The following PTK2B variants were observed in gnomAD, a reference collection of about 807,000 sequenced individuals.
The protein encoded by PTK2B is protein tyrosine kinase 2 beta.
PTK2B carries 71 observed loss-of-function variants against 142.9 expected under a neutral mutation model. That is an observed-to-expected ratio of 0.50 (90% CI 0.41 to 0.61). PTK2B has a LOEUF of 0.61. PTK2B is among the 20% of genes least tolerant of loss of function. The probability of loss-of-function intolerance (pLI) is 0.00; values close to 1 mark genes in which losing one functional copy is unlikely to be tolerated. For synonymous variants in PTK2B, 519 were observed against 503.4 expected (o/e 1.03, Z -0.42); for missense variants, 1,105 against 1,320.4 (o/e 0.84, Z 2.53).
At chr8:27,342,704 C>T (rs954733489) in intron 1 of PTK2B, among the ~76,000 whole-genome samples, 1 of 152,186 alleles carries the variant, frequency 6.6e-6, no homozygotes, top group Non-Finnish European at 1.5e-5. Flanking sequence ...CCTCTGATCC[C>T]ACAGTCTTCT....
chr8:27,451,155 A>G, intron 26 of PTK2B, 77 bp downstream of exon 26: 1 of 1,507,272 alleles, frequency 6.6e-7, no homozygotes, highest in African/African-American at 1.4e-5. Context: ...CCCCCGCCCA[A>G]CTTGCTCCTA....
At chr8:27,314,549 G>A (rs999000658) in intron 3 of PTK2B, among the ~76,000 whole-genome samples, 2 of 152,236 alleles carry the variant, frequency 1.3e-5, no homozygotes, top group Non-Finnish European at 2.9e-5. Flanking sequence ...CCCATAGGGC[G>A]TAGGCCAAGT....
intron 1 of PTK2B, among the ~76,000 whole-genome samples, chr8:27,328,187 G>A (rs1486902882): frequency 6.6e-6 from 1 of 152,210 alleles, no homozygotes. Context: ...GTGACTCAAA[G>A]TAGAATTAAC....
At chr8:27,424,411 G>C (rs919556755) in intron 5 of PTK2B, among the ~76,000 whole-genome samples, 1 of 152,106 alleles carries the variant, frequency 6.6e-6, no homozygotes, top group Non-Finnish European at 1.5e-5. Flanking sequence ...GCTGATATCT[G>C]CTATAACCAA....
At chr8:27,349,818 T>C (rs1483250425) in intron 1 of PTK2B, among the ~76,000 whole-genome samples, 3 of 152,252 alleles carry the variant, frequency 2.0e-5, no homozygotes, top group Non-Finnish European at 4.4e-5. Flanking sequence ...AATCCTAATA[T>C]TGTGACAAAC....
At chr8:27,431,269 G>T (rs760624343) in intron 8 of PTK2B, 129 bp from the exon 9 acceptor site, 24 of 1,550,988 alleles carry the variant, frequency 1.5e-5, no homozygotes, top group Non-Finnish European at 2.1e-5. Flanking sequence ...TATGGCCAGG[G>T]TTTCGGTGAG....
intron 1 of PTK2B, among the ~76,000 whole-genome samples, chr8:27,360,271 G>A (rs969263479): frequency 2.6e-5 from 4 of 152,214 alleles, no homozygotes; most frequent in African/African-American, 9.6e-5. Flanking sequence ...AGTCCTCCCT[G>A]AGCTCCCAGA....
intron 24 of PTK2B, among the ~76,000 whole-genome samples, chr8:27,447,702 T>C (rs1811553484): frequency 6.6e-6 from 1 of 152,048 alleles, no homozygotes; most frequent in South Asian, 2.1e-4. Context: ...GTACTAAAAA[T>C]ACAAAAAATT....
upstream of PTK2B, among the ~76,000 whole-genome samples, chr8:27,321,658 T>C (rs941534495): frequency 4.6e-5 from 7 of 152,188 alleles, no homozygotes; most frequent in Admixed American, 1.3e-4. Context: ...ATTCTGGAGT[T>C]GCGTGCATAA....
rs2132624759 is a variant in PTK2B at position 27,458,898 on chromosome 8, C to T, written c.*389C>T. 1 of 353,002 alleles carries T rather than the reference C, an allele frequency of 2.8e-6. No homozygotes were observed. The highest frequency in any genetic ancestry group is 3.9e-5 in the South Asian group (1 of 25,676). The allele number at this position is 353,002 out of a possible 1,614,324, so 21.9% of individuals were successfully genotyped here. A position where few individuals can be genotyped will look rare whatever the true frequency, so the allele number is the denominator to read the frequency against. ...AACCAAGCTATTCCTTTCCCTTCCT[C>T]TTCGGCCCTCAGATGTCCCTTGATG... On this transcript the variant is annotated 3_prime_UTR_variant, in exon 31 of 31. Transcript: ENST00000346049.
upstream of PTK2B, among the ~76,000 whole-genome samples, chr8:27,310,560 ATCATGTAACC>A (rs1233930569): frequency 6.6e-6 from 1 of 152,240 alleles, no homozygotes; most frequent in Non-Finnish European, 1.5e-5. Flanking sequence ...TCTTGGGAAC[ATCATGTAACC>A]TCATCTGTCA....
chr8:27,391,234 T>A (rs2131313694), intron 1 of PTK2B, among the ~76,000 whole-genome samples: 1 of 152,112 alleles, frequency 6.6e-6, no homozygotes, highest in South Asian at 2.1e-4. Context: ...GTAGCTGGGA[T>A]TACAGGCACG....
At chr8:27,324,941 G>T (rs1803325542), upstream of PTK2B, among the ~76,000 whole-genome samples, 1 of 152,170 alleles carries the variant, frequency 6.6e-6, no homozygotes, top group Non-Finnish European at 1.5e-5. Flanking sequence ...CCCTGGAAGG[G>T]GCTGTCCAGC....
intron 2 of PTK2B, among the ~76,000 whole-genome samples, chr8:27,399,479 GA>G (rs1808248882): frequency 1.3e-5 from 2 of 152,196 alleles, no homozygotes; most frequent in Admixed American, 6.5e-5. Flanking sequence ...GAAGGGCCTA[GA>G]ATATCAGGCA....
At chr8:27,369,852 C>G (rs544760530) in intron 1 of PTK2B, among the ~76,000 whole-genome samples, 2 of 152,216 alleles carry the variant, frequency 1.3e-5, no homozygotes, top group South Asian at 2.1e-4. Context: ...TGGCATGTGC[C>G]TGTAATCCCA....
At chr8:27,362,216 CACCAGGAGCCT>C (rs1397998259) in intron 1 of PTK2B, among the ~76,000 whole-genome samples, 120 of 152,352 alleles carry the variant, frequency 7.9e-4, no homozygotes, top group African/African-American at 2.7e-3. Flanking sequence ...CTCAGGGCAG[CACCAGGAGCCT>C]GCACTTTCCG....
At chr8:27,429,005 C>T (rs1224857037) in intron 5 of PTK2B, among the ~76,000 whole-genome samples, 9 of 152,128 alleles carry the variant, frequency 5.9e-5, no homozygotes, top group Non-Finnish European at 1.0e-4. Context: ...CTGCAACCTC[C>T]GCCTCCTGGG....
Position 27,434,509 on chromosome 8 carries a change from A to G in PTK2B, c.1146-4A>G. On this transcript the variant is annotated splice_region_variant and splice_polypyrimidine_tract_variant and intron_variant, in intron 12 of 30. Coordinates refer to ENST00000346049, the MANE Select transcript of PTK2B (RefSeq NM_173176.3). ...CCTGGCTTCTGCTCTCTCACCTCCT[A>G]CAGAAACCTGGAGGCCCGGCGGTCC... 2.5e-6 allele frequency: 4 copies of G among 1,609,462 alleles called. No homozygotes were observed. The highest frequency in any genetic ancestry group is 3.4e-6 in the Non-Finnish European group (4 of 1,177,980).
chr8:27,344,705 A>G (rs1317484348), intron 1 of PTK2B, among the ~76,000 whole-genome samples: 2 of 152,162 alleles, frequency 1.3e-5, no homozygotes, highest in Non-Finnish European at 2.9e-5. Flanking sequence ...TGTCTACACC[A>G]GGTGTAAACT....
Sources: gnomAD v4.1 joint callset for allele counts (sites outside exome capture counted in the v4.1 genomes callset) on GRCh38, gnomAD v4.1.1 for gene constraint, MANE v1.5 for transcripts, NCBI Gene and HGNC (gene_info 2026-07-23, HGNC 2026-07-21) for gene names.